DACH1: variants seen among roughly 807,000 people sequenced by gnomAD.
DACH1 encodes dachshund homolog 1.
A neutral mutation model predicts 54.2 loss-of-function variants in DACH1; 12 were observed. The ratio of observed to expected loss-of-function variants is 0.22; its 90% confidence interval spans 0.14 to 0.36. The LOEUF is 0.36. DACH1 is among the 10% of genes least tolerant of loss of function. The pLI, the probability that DACH1 is intolerant of heterozygous loss-of-function variation, is 1.00. For missense variants in DACH1, 805 were observed against 929.8 expected, an observed-to-expected ratio of 0.87 and a Z score of 1.75; for synonymous variants, 386 against 366.2, an observed-to-expected ratio of 1.05 and a Z score of -0.62.
chr13:71,753,104 G>T (rs1884995912), intron 1 of DACH1, among the ~76,000 whole-genome samples: 1 of 152,106 alleles, frequency 6.6e-6, no homozygotes, highest in Non-Finnish European at 1.5e-5. Context: ...AAGCTATCCT[G>T]GCTAGAAAAA....
intron 6 of DACH1, among the ~76,000 whole-genome samples, chr13:71,551,592 G>A (rs574640362): frequency 3.3e-5 from 5 of 152,192 alleles, no homozygotes; most frequent in South Asian, 2.1e-4. Flanking sequence ...ACAATGACCT[G>A]TAGTTCCATT....
intron 10 of DACH1, among the ~76,000 whole-genome samples, chr13:71,471,859 C>T (rs1877111546): frequency 6.6e-6 from 1 of 152,060 alleles, no homozygotes; most frequent in Non-Finnish European, 1.5e-5. Flanking sequence ...AGAAAGCCAT[C>T]ATGTTATAGA....
intron 1 of DACH1, among the ~76,000 whole-genome samples, chr13:71,848,450 A>G (rs1197450039): frequency 1.3e-5 from 2 of 152,222 alleles, no homozygotes; most frequent in Non-Finnish European, 2.9e-5. Context: ...TGTGATAGCA[A>G]GAACAAAAAT....
intron 1 of DACH1, among the ~76,000 whole-genome samples, chr13:71,763,012 A>C (rs138813521): frequency 3.9e-5 from 6 of 152,296 alleles, no homozygotes; most frequent in Non-Finnish European, 8.8e-5. Flanking sequence ...ATATATTGGA[A>C]TAATCCCCCA....
intron 1 of DACH1, among the ~76,000 whole-genome samples, chr13:71,751,187 G>A (rs1884906067): frequency 6.6e-6 from 1 of 152,138 alleles, no homozygotes; most frequent in African/African-American, 2.4e-5. Context: ...TGCAAGAACT[G>A]TTTGCATATT....
At chr13:71,488,417 C>A (rs1878714947) in intron 7 of DACH1, among the ~76,000 whole-genome samples, 2 of 152,092 alleles carry the variant, frequency 1.3e-5, no homozygotes, top group Admixed American at 6.5e-5. Context: ...TCATAATGTA[C>A]TGTACATAAA....
chr13:71,675,301 A>C (rs1880493508), intron 2 of DACH1: 1 of 1,602,682 alleles, frequency 6.2e-7, no homozygotes, highest in Non-Finnish European at 8.5e-7. Context: ...TCAGTACTTT[A>C]AAACAGATCT....
chr13:71,858,506 G>A (rs1339283423), intron 1 of DACH1, among the ~76,000 whole-genome samples: 4 of 151,666 alleles, frequency 2.6e-5, no homozygotes, highest in Non-Finnish European at 5.9e-5. Context: ...CAAAAATATA[G>A]GCTATCTTCA....
rs529632167 is a variant in DACH1, at chr13:71,866,850, A to T, written c.-81T>A. On this transcript the variant is annotated 5_prime_UTR_variant, in exon 1 of 11. Coordinates refer to ENST00000613252, the MANE Select transcript of DACH1 (RefSeq NM_080759.6). The stretch of plus-strand genomic sequence containing the variant: ...ACCCCCGGGAGGGGAAGGGGAAAAA[A>T]GGGGGGAGAAGGAGCGAGGGGGGCA... The T allele has an allele frequency of 1.9e-6, 2 of 1,078,820 alleles. No individual in the cohort carries two copies. The highest frequency in any genetic ancestry group is 2.3e-6 in the Non-Finnish European group (2 of 870,398). 66.8% of individuals were successfully genotyped at this position (1,078,820 alleles called of 1,614,324 possible). A position where few individuals can be genotyped will look rare whatever the true frequency, so the allele number is the denominator to read the frequency against.
chr13:71,532,921 A>T (rs1882510065), intron 6 of DACH1, among the ~76,000 whole-genome samples: 1 of 151,976 alleles, frequency 6.6e-6, no homozygotes, highest in Admixed American at 6.6e-5. Context: ...TGATAAGAAT[A>T]TATTTTTCTA....
chr13:71,524,375 C>T (rs1242479759), intron 6 of DACH1, among the ~76,000 whole-genome samples: 1 of 152,140 alleles, frequency 6.6e-6, no homozygotes, highest in Non-Finnish European at 1.5e-5. Flanking sequence ...CAGGAAATCA[C>T]TGAGTCAGTA....
intron 1 of DACH1, among the ~76,000 whole-genome samples, chr13:71,789,482 A>T (rs796281880): frequency 9.8e-5 from 15 of 152,288 alleles, no homozygotes; most frequent in African/African-American, 3.6e-4. Context: ...TCATATGTGC[A>T]TATAAGTCTA....
At chr13:71,815,867 C>T (rs1430120081) in intron 1 of DACH1, among the ~76,000 whole-genome samples, 1 of 152,058 alleles carries the variant, frequency 6.6e-6, no homozygotes, top group South Asian at 2.1e-4. Context: ...GGGCGGATCA[C>T]GAGGTCAGGA....
At chr13:71,630,264 G>A (rs529600067) in intron 3 of DACH1, among the ~76,000 whole-genome samples, 1 of 152,206 alleles carries the variant, frequency 6.6e-6, no homozygotes, top group African/African-American at 2.4e-5. Flanking sequence ...CAATGTTTTA[G>A]AATTCTCTTG....
chr13:71,485,528 G>GTCTTTTT (rs1878414363), intron 7 of DACH1, among the ~76,000 whole-genome samples: 1 of 135,984 alleles, frequency 7.4e-6, no homozygotes, highest in African/African-American at 2.7e-5. Context: ...TTTTTTACAG[G>GTCTTTTT]TCTTTTTTTT....
chr13:71,806,932 T>C (rs1430358592), intron 1 of DACH1, among the ~76,000 whole-genome samples: 1 of 152,140 alleles, frequency 6.6e-6, no homozygotes, highest in Non-Finnish European at 1.5e-5. Context: ...AATTATAAAA[T>C]AGAGATGAGT....
At chr13:71,646,305 C>T (rs1259636811) in intron 2 of DACH1, among the ~76,000 whole-genome samples, 1 of 151,434 alleles carries the variant, frequency 6.6e-6, no homozygotes, top group Non-Finnish European at 1.5e-5. Flanking sequence ...CCATTGCACT[C>T]CAGCCTGGGC....
rs1878525300 is a variant in DACH1 at position 71,486,626 on chromosome 13, G to A, written c.1722+2371C>T. On this transcript the variant is annotated intron_variant, in intron 7 of 10. Coordinates refer to ENST00000613252, the MANE Select transcript of DACH1 (RefSeq NM_080759.6). Reference sequence around the variant, plus strand: ...ATATATATATTTATAATATACATGTGCATGAAATTCTGTAGGATTTTTAAT... The same window carrying A: ...ATATATATATTTATAATATACATGTACATGAAATTCTGTAGGATTTTTAAT... Among the ~76,000 whole-genome samples the A allele has an allele frequency of 2.6e-5, 4 of 152,074 alleles. No individual in the cohort carries two copies. In the South Asian group the frequency reaches 8.3e-4, roughly 32 times the overall value.
At chr13:71,717,184 C>T (rs1260938117) in intron 1 of DACH1, among the ~76,000 whole-genome samples, 4 of 151,976 alleles carry the variant, frequency 2.6e-5, no homozygotes, top group Admixed American at 6.6e-5. Context: ...AAATAATACA[C>T]AATTTTGTGT....
Sources: gnomAD v4.1 joint callset for allele counts (sites outside exome capture counted in the v4.1 genomes callset) on GRCh38, gnomAD v4.1.1 for gene constraint, MANE v1.5 for transcripts, NCBI Gene and HGNC (gene_info 2026-07-23, HGNC 2026-07-21) for gene names.